ZFP64: variants seen among roughly 807,000 people sequenced by gnomAD.
ZFP64 encodes the protein zinc finger protein 64.
In ZFP64, 14 loss-of-function variants were observed where a neutral mutation model predicts 51.6. The ratio of observed to expected loss-of-function variants is 0.27; its 90% CI spans 0.18 to 0.42. The LOEUF (loss-of-function observed/expected upper bound fraction) is 0.42, where lower values mean the gene tolerates loss of function less well. Among genes scored for constraint, ZFP64 ranks in the 10% least tolerant of loss-of-function variants. The pLI is 1.00. For missense variants in ZFP64, 754 were observed against 906.8 expected (o/e 0.83, Z 2.16); for synonymous variants, 375 against 361.4 (o/e 1.04, Z -0.43).
intron 5 of ZFP64, among the ~76,000 whole-genome samples, chr20:52,114,458 C>T (rs530982617): frequency 2.6e-5 from 4 of 152,200 alleles, no homozygotes; most frequent in Non-Finnish European, 4.4e-5. Context: ...AGGAATCACC[C>T]GGGGACCTTG....
At chr20:52,121,006 G>T (rs930505952) in intron 5 of ZFP64, among the ~76,000 whole-genome samples, 1 of 152,032 alleles carries the variant, frequency 6.6e-6, no homozygotes, top group Admixed American at 6.6e-5. Context: ...TGCTACCCTC[G>T]TAACTGTTTT....
At chr20:52,088,980 G>A (rs1417208653) in intron 7 of ZFP64, 3 of 537,192 alleles carry the variant, frequency 5.6e-6, no homozygotes, top group African/African-American at 3.8e-5. Context: ...TGAACCACAT[G>A]GAGAATGGTC....
intron 8 of ZFP64, among the ~76,000 whole-genome samples, chr20:52,086,498 TAC>T (rs761201005): frequency 3.0e-4 from 44 of 144,272 alleles, no homozygotes; most frequent in Non-Finnish European, 5.8e-4. Context: ...TTTTTTTTGA[TAC>T]AGAGTCTCAC....
At chr20:52,126,862 C>A (rs927693875) in intron 5 of ZFP64, among the ~76,000 whole-genome samples, 2 of 149,928 alleles carry the variant, frequency 1.3e-5, no homozygotes, top group Non-Finnish European at 3.0e-5. Context: ...AGGTGGTGGG[C>A]AAATTGGGTG....
intron 5 of ZFP64, among the ~76,000 whole-genome samples, chr20:52,133,118 G>C (rs766634915): frequency 2.0e-5 from 3 of 152,080 alleles, no homozygotes; most frequent in Non-Finnish European, 4.4e-5. Flanking sequence ...TTGATCATTT[G>C]AAATGATGCT....
intron 5 of ZFP64, among the ~76,000 whole-genome samples, chr20:52,119,634 G>A (rs6126467): frequency 0.051 from 7,344 of 144,266 alleles, 249 homozygotes; most frequent in Admixed American, 0.11. Context: ...GCATGGTGGC[G>A]TGCACCTGTA....
rs1980906146 is a variant in ZFP64 at position 52,152,497 on chromosome 20, G to A, written c.1695C>T (p.Thr565=). ...SRCPSEAGAM[T]QPAVLLTTHE... ...GGGTGGTCAGCAGGACAGCCGGCTG[G>A]GTCATTGCGCCCGCCTCGCTCGGAC... is the stretch of plus-strand genomic sequence containing the variant. Residue 565 remains threonine (T), a synonymous_variant, in exon 6 of 6, where the codon ACC becomes ACT. Coordinates refer to ENST00000216923, the MANE Select transcript of ZFP64 (RefSeq NM_018197.3). 6.2e-7 allele frequency: 1 copy of A among 1,609,568 alleles called. No individual in the cohort carries two copies. The highest frequency in any genetic ancestry group is 8.5e-7 in the Non-Finnish European group (1 of 1,178,132).
At chr20:52,149,476 C>T (rs543341003), downstream of ZFP64, among the ~76,000 whole-genome samples, 1 of 152,250 alleles carries the variant, frequency 6.6e-6, no homozygotes, top group African/African-American at 2.4e-5. Context: ...AAGCAAGTTG[C>T]AGAGAAATGT....
chr20:52,139,419 A>G (rs962354727), intron 5 of ZFP64, among the ~76,000 whole-genome samples: 5 of 152,156 alleles, frequency 3.3e-5, no homozygotes, highest in Non-Finnish European at 5.9e-5. Flanking sequence ...CGAACACCAC[A>G]TGTTCTCACT....
intron 1 of ZFP64, among the ~76,000 whole-genome samples, chr20:52,188,612 C>T (rs1600827458): frequency 6.6e-6 from 1 of 151,854 alleles, no homozygotes; most frequent in Admixed American, 6.6e-5. Context: ...CCACCGCACC[C>T]GGCCGACATT....
chr20:52,093,894 T>C (rs1478343588), intron 7 of ZFP64, among the ~76,000 whole-genome samples: 2 of 152,218 alleles, frequency 1.3e-5, no homozygotes, highest in African/African-American at 4.8e-5. Flanking sequence ...TGTACCAGTT[T>C]GGGTAGCAAG....
At chr20:52,123,876 T>TGGGG (rs200060812) in intron 5 of ZFP64, among the ~76,000 whole-genome samples, 6 of 109,986 alleles carry the variant, frequency 5.5e-5, no homozygotes, top group African/African-American at 2.0e-4. Context: ...TTTTCTTTTT[T>TGGGG]GGGGGGGGGA....
At chr20:52,097,611 C>T (rs1026170612) in intron 6 of ZFP64, among the ~76,000 whole-genome samples, 15 of 152,136 alleles carry the variant, frequency 9.9e-5, no homozygotes, top group African/African-American at 1.7e-4. Flanking sequence ...CCTGCCACCA[C>T]GCCTGGCTAA....
chr20:52,120,493 GT>G (rs911996160), intron 5 of ZFP64, among the ~76,000 whole-genome samples: 2 of 152,076 alleles, frequency 1.3e-5, no homozygotes, highest in Non-Finnish European at 2.9e-5. Context: ...GACACTGTGT[GT>G]TTTTTTCTTT....
At position 52,191,321 on chromosome 20, in the gene ZFP64, C is replaced by T. The variant is rs1002677609; in HGVS notation, c.46+270G>A. 1.3e-5 allele frequency among the ~76,000 whole-genome samples: 2 copies of T among 152,196 alleles called. No individual in the cohort carries two copies. Among genetic ancestry groups the T allele is most frequent in the African/African-American group, 4.8e-5 (2 of 41,468 alleles). On this transcript the variant is annotated intron_variant, in intron 1 of 5. Transcript: ENST00000216923. This position sits in a 1 kb window ranked among gnomAD's most constrained non-coding sequence, Gnocchi z 4.3. ...TAGGGGGTGGCGATTGTCTGAACGGCGTGCCCTCCCCCACTGTTCCCTTCC... is the reference window on the plus strand; with the variant it reads ...TAGGGGGTGGCGATTGTCTGAACGGTGTGCCCTCCCCCACTGTTCCCTTCC...
At chr20:52,100,268 CAG>C (rs1317794890) in intron 5 of ZFP64, among the ~76,000 whole-genome samples, 2 of 146,872 alleles carry the variant, frequency 1.4e-5, no homozygotes, top group Non-Finnish European at 2.9e-5. Flanking sequence ...TTTTTTGAAA[CAG>C]AGTCTCACTC....
At chr20:52,184,856 G>C (rs1290783476) in intron 2 of ZFP64, among the ~76,000 whole-genome samples, 1 of 152,004 alleles carries the variant, frequency 6.6e-6, no homozygotes, top group Non-Finnish European at 1.5e-5. Context: ...TTGAACTCCT[G>C]GCCTCAAGTG....
At chr20:52,098,408 G>A (rs2079015005) in intron 6 of ZFP64, 1 of 1,611,164 alleles carries the variant, frequency 6.2e-7, no homozygotes, top group East Asian at 2.2e-5. Context: ...TGGCTCAGAA[G>A]CGGCTCAGCA....
chr20:52,104,153 A>G (rs1028884234), intron 5 of ZFP64, among the ~76,000 whole-genome samples: 16 of 152,238 alleles, frequency 1.1e-4, no homozygotes, highest in Non-Finnish European at 1.5e-4. Flanking sequence ...AGGAACCTAC[A>G]ATCTCTTAAT....
Sources: gnomAD v4.1 joint callset for allele counts (sites outside exome capture counted in the v4.1 genomes callset) on GRCh38, gnomAD v4.1.1 for gene constraint, Gnocchi (gnomAD v3.1) non-coding constraint, MANE v1.5 for transcripts, NCBI Gene and HGNC (gene_info 2026-07-23, HGNC 2026-07-21) for gene names.